Variants in CHAF1A observed in about 807,000 individuals in gnomAD.
CHAF1A encodes chromatin assembly factor 1 subunit A.
A neutral mutation model predicts 93.2 loss-of-function variants in CHAF1A; 5 were observed. That is an observed-to-expected ratio of 0.05 (90% CI 0.03 to 0.11). The LOEUF (loss-of-function observed/expected upper bound fraction) is 0.11, where lower values mean the gene tolerates loss of function less well. CHAF1A is among the 10% of genes least tolerant of loss of function. The pLI is 1.00. For missense variants in CHAF1A, 1,102 were observed against 1,259.9 expected, an observed-to-expected ratio of 0.87 and a Z score of 1.90; for synonymous variants, 504 against 510.3, an observed-to-expected ratio of 0.99 and a Z score of 0.17.
chr19:4,442,152 G>A, intron 13 of CHAF1A, 93 bp from the exon 14 acceptor site: 1 of 945,374 alleles, frequency 1.1e-6, no homozygotes, highest in Middle Eastern at 2.8e-4. Flanking sequence ...GTGGGAGGAA[G>A]GTGTCACACC....
intron 4 of CHAF1A, among the ~76,000 whole-genome samples, chr19:4,419,454 G>C (rs1228125168): frequency 2.0e-5 from 3 of 151,418 alleles, no homozygotes; most frequent in African/African-American, 7.3e-5. Flanking sequence ...TTTTTATTGA[G>C]ACACAGTCTC....
chr19:4,423,389 A>G lies in CHAF1A; in HGVS notation c.1302A>G (p.Glu434=). The change falls in exon 6 of 15, where the codon GAA becomes GAG. Residue 434 remains glutamate (E), a synonymous_variant. Transcript: ENST00000301280. ...KKEEEKRLRE[E]EKRIKAEKAE... is the part of the protein sequence containing the mutation. ...AAGAAGAGAAACGGTTAAGAGAAGA[A>G]GAGAAGGTAGAGTGTTTCCCACAGA... 2 of 1,614,148 alleles carry G rather than the reference A, an allele frequency of 1.2e-6. No individual in the cohort carries two copies. The highest frequency in any genetic ancestry group is 1.7e-6 in the Non-Finnish European group (2 of 1,179,986).
intron 6 of CHAF1A, 142 bp from the exon 7 acceptor site, chr19:4,423,664 G>C (rs752957375): frequency 1.0e-6 from 1 of 976,306 alleles, no homozygotes; most frequent in Admixed American, 2.4e-5. Flanking sequence ...TTGCGGGTCC[G>C]TGGGTTTTGA....
rs755122309 is a variant in CHAF1A, at chr19:4,442,293, G to A, written c.2722G>A (p.Glu908Lys). The change falls in exon 14 of 15, where the codon GAA becomes AAA. Residue 908 changes from glutamate (E) to lysine (K), a missense_variant. Around this residue, in one of 6 missense-constraint regions of CHAF1A, gnomAD observed 119 missense variants for 102.2 expected, o/e 1.16. Transcript: ENST00000301280. Reference protein sequence around the residue: ...DGFQADTEEEEEEEGDCMIVD... With the variant: ...DGFQADTEEEKEEEGDCMIVD... ...CTTCCAGGCAGACACGGAGGAGGAG[G>A]AAGAGGAGGAGGGCGACTGTATGAT... 2 of 1,613,236 alleles carry A rather than the reference G, an allele frequency of 1.2e-6. No homozygotes were observed. Among genetic ancestry groups the A allele is most frequent in the South Asian group, 2.2e-5 (2 of 90,838 alleles).
Position 4,442,246 on chromosome 19 carries a change from T to C in CHAF1A, c.2675T>C (p.Ile892Thr). Residue 892 changes from isoleucine to threonine, a missense_variant and splice_region_variant, in exon 14 of 15, where the codon ATT becomes ACT. Coordinates refer to ENST00000301280, the MANE Select transcript of CHAF1A (RefSeq NM_005483.3). ...FMKKRRHDGQ[I>T]GAEDMDGFQA... ...TGGCCGTGTACCCTGTCTGTCCAGA[T>C]TGGTGCTGAAGACATGGACGGCTTC... 6.2e-7 allele frequency: 1 copy of C among 1,613,792 alleles called. No homozygotes were observed. Among genetic ancestry groups the C allele is most frequent in the African/African-American group, 1.3e-5 (1 of 75,032 alleles).
At chr19:4,431,376 G>A (rs1308097670) in intron 11 of CHAF1A, among the ~76,000 whole-genome samples, 8 of 152,072 alleles carry the variant, frequency 5.3e-5, no homozygotes, top group African/African-American at 7.2e-5. Context: ...TGATCCACCC[G>A]CCTCGGCCTC....
At chr19:4,406,328 C>A (rs1973679461) in intron 2 of CHAF1A, among the ~76,000 whole-genome samples, 1 of 152,180 alleles carries the variant, frequency 6.6e-6, no homozygotes, top group Non-Finnish European at 1.5e-5. Flanking sequence ...GTAGAACTGC[C>A]CCCTCAGAGA....
intron 3 of CHAF1A, among the ~76,000 whole-genome samples, chr19:4,411,645 T>TTTTTTTTTC (rs1973804508): frequency 2.8e-5 from 1 of 35,626 alleles, no homozygotes; most frequent in African/African-American, 1.2e-4. Context: ...GGTGCAAATC[T>TTTTTTTTTC]TTTTTTTTTT....
Position 4,432,154 on chromosome 19 carries a change from C to T in CHAF1A, c.2150C>T (p.Ala717Val), listed in dbSNP as rs1254332308. ...FAACFLETLPAQEEQTPKASK... is the reference protein window; with the variant it reads ...FAACFLETLPVQEEQTPKASK... ...GCCTGCTTCCTGGAGACCCTGCCGG[C>T]CCAGGAGGAGCAGACGCCCAAGGCC... Residue 717 changes from alanine to valine, a missense_variant, in exon 12 of 15, where the codon GCC (alanine) becomes GTC (valine). Ala to Val is a moderately conservative substitution (Grantham distance 64). This residue lies in a region of CHAF1A where 335 missense variants were observed against 361.9 expected (regional missense o/e 0.93). Coordinates refer to ENST00000301280, the MANE Select transcript of CHAF1A (RefSeq NM_005483.3). 2 of 1,612,492 alleles carry T rather than the reference C, an allele frequency of 1.2e-6. No individual in the cohort carries two copies. Among genetic ancestry groups the T allele is most frequent in the African/African-American group, 1.3e-5 (1 of 74,848 alleles).
intron 7 of CHAF1A, among the ~76,000 whole-genome samples, chr19:4,426,568 G>A (rs1306109740): frequency 6.6e-6 from 1 of 151,948 alleles, no homozygotes; most frequent in Non-Finnish European, 1.5e-5. Flanking sequence ...TCTGCCTCCT[G>A]CGTTCAAATG....
intron 4 of CHAF1A, 136 bp downstream of exon 4, chr19:4,418,212 G>C: frequency 1.7e-6 from 1 of 586,154 alleles, no homozygotes; most frequent in Non-Finnish European, 3.0e-6. Flanking sequence ...TTTGATTCCT[G>C]CTTCATTTTA....
At position 4,422,852 on chromosome 19, in the gene CHAF1A, T is replaced by TGGCGG. The variant is rs1974014991; in HGVS notation, c.1247+60_1247+61insGGGGC. ...CCACCCTGCTGCTGGATTCCGCTCC[T>TGGCGG]GGCCACTCTGATGGGGCCTTTCCAC... is the stretch of plus-strand genomic sequence containing the variant. On this transcript the variant is annotated intron_variant, in intron 5 of 14. Transcript: ENST00000301280. The surrounding 1 kb of genome is among the most constrained non-coding windows in gnomAD (Gnocchi z 4.6). The TGGCGG allele has an allele frequency of 6.6e-7, 1 of 1,520,276 alleles. No homozygotes were observed. The highest frequency in any genetic ancestry group is 1.7e-5 in the Admixed American group (1 of 57,548). 94.2% of individuals were successfully genotyped at this position (1,520,276 alleles called of 1,614,324 possible). A position where few individuals can be genotyped will look rare whatever the true frequency, so the allele number is the denominator to read the frequency against.
chr19:4,429,816 T>C (rs930047425), intron 10 of CHAF1A, 28 bp downstream of exon 10: 13 of 1,581,810 alleles, frequency 8.2e-6, no homozygotes, highest in Non-Finnish European at 1.0e-5. Context: ...CTGTCTTCAC[T>C]CACAGACGGC....
rs1160215141 is a variant in CHAF1A at position 4,428,673 on chromosome 19, G to A, written c.1387G>A (p.Gly463Ser). ...CTCTTCTTGATTTCAGACCCTGGCCGGCTCCTGTGGGAAGTTTGCCCCCTT... is the reference window on the plus strand; with the variant it reads ...CTCTTCTTGATTTCAGACCCTGGCCAGCTCCTGTGGGAAGTTTGCCCCCTT... Reference protein sequence around the residue: ...KTPQAPKTLAGSCGKFAPFEI... With the variant: ...KTPQAPKTLASSCGKFAPFEI... The change falls in exon 8 of 15, where the codon GGC becomes AGC. Residue 463 changes from glycine (G) to serine (S), a missense_variant. Gly to Ser is a moderately conservative substitution (Grantham distance 56, BLOSUM62 0). Transcript: ENST00000301280. 3.7e-6 allele frequency: 6 copies of A among 1,613,824 alleles called. No individual in the cohort carries two copies. Among genetic ancestry groups the A allele is most frequent in the South Asian group, 1.1e-5 (1 of 91,078 alleles).
chr19:4,439,001 C>A (rs1232526416), intron 13 of CHAF1A, among the ~76,000 whole-genome samples: 2 of 150,982 alleles, frequency 1.3e-5, no homozygotes, highest in African/African-American at 4.9e-5. Context: ...GCATAGATGG[C>A]TGGGTGCAGT....
chr19:4,432,048 CAACCTGT>C lies in CHAF1A; in HGVS notation c.2045_2051del (p.Gln682ArgfsTer18). 6.2e-7 allele frequency: 1 copy of C among 1,614,146 alleles called. No homozygotes were observed. The highest frequency in any genetic ancestry group is 8.5e-7 in the Non-Finnish European group (1 of 1,180,030). On this transcript the variant is annotated frameshift_variant, in exon 12 of 15. Coordinates refer to ENST00000301280, the MANE Select transcript of CHAF1A (RefSeq NM_005483.3). LOFTEE classifies it high-confidence loss of function. ...TAAGGGGAAGCGCTTTCGCGTCCTG[CAACCTGT>C]GAAGATCGGCTGCGTGTGGGCGGCT...
Position 4,422,916 on chromosome 19 carries a change from T to C in CHAF1A, c.1247+121T>C. On this transcript the variant is annotated intron_variant, in intron 5 of 14. Transcript: ENST00000301280. This position sits in a 1 kb window ranked among gnomAD's most constrained non-coding sequence, Gnocchi z 4.6. Reference sequence around the variant, plus strand: ...GGCGGCTCCCTTCAGTTCCTTCCCATTTCTCCTTCGTGAGGTGCCCGTGGG... The same window carrying C: ...GGCGGCTCCCTTCAGTTCCTTCCCACTTCTCCTTCGTGAGGTGCCCGTGGG... The C allele has an allele frequency of 1.0e-6, 1 of 968,104 alleles. No individual in the cohort carries two copies. The highest frequency in any genetic ancestry group is 1.5e-6 in the Non-Finnish European group (1 of 650,402). The allele number at this position is 968,104 out of a possible 1,614,324, so 60.0% of individuals were successfully genotyped here. A position where few individuals can be genotyped will look rare whatever the true frequency, so the allele number is the denominator to read the frequency against.
chr19:4,425,308 T>G (rs55660045), intron 7 of CHAF1A, among the ~76,000 whole-genome samples: 28,760 of 152,134 alleles, frequency 0.19, 3,089 homozygotes, highest in Admixed American at 0.27. Context: ...TGGAGAGCAG[T>G]GGCGCTATCT....
At chr19:4,436,147 A>AAAAAG (rs200722274) in intron 13 of CHAF1A, among the ~76,000 whole-genome samples, 1 of 149,768 alleles carries the variant, frequency 6.7e-6, no homozygotes. Flanking sequence ...CCCCCAAAAA[A>AAAAAG]AAAAGAAAAG....
Sources: allele counts gnomAD v4.1 joint callset (sites outside exome capture counted in the v4.1 genomes callset), GRCh38; gene constraint gnomAD v4.1.1; regional missense constraint gnomAD v4.1.1; non-coding constraint Gnocchi (gnomAD v3.1); transcripts MANE v1.5; gene names NCBI Gene and HGNC (gene_info 2026-07-23, HGNC 2026-07-21).